The following REXO5 variants were observed in gnomAD, a reference collection of about 807,000 sequenced individuals.
REXO5 encodes exonuclease NEF-sp.
Under a neutral mutation model 88.5 loss-of-function variants are expected in REXO5, and 48 were observed. The ratio of observed to expected loss-of-function variants is 0.54; its 90% CI spans 0.43 to 0.69. The LOEUF is 0.69. Among genes scored for constraint, REXO5 ranks in the 30% least tolerant of loss-of-function variants. The pLI, the probability that REXO5 is intolerant of heterozygous loss-of-function variation, is 0.00. For missense variants in REXO5, 749 were observed against 912.2 expected (o/e 0.82, Z 2.30); for synonymous variants, 311 against 336.5 (o/e 0.92, Z 0.83).
intron 13 of REXO5, among the ~76,000 whole-genome samples, chr16:20,835,456 G>A (rs1477062558): frequency 1.3e-5 from 2 of 152,094 alleles, no homozygotes; most frequent in South Asian, 2.1e-4. Flanking sequence ...TAGCCCTTGC[G>A]ATTGTTTCCT....
At chr16:20,825,691 T>C in intron 7 of REXO5, 142 bp from the exon 8 acceptor site, 1 of 615,606 alleles carries the variant, frequency 1.6e-6, no homozygotes, top group Non-Finnish European at 2.9e-6. Flanking sequence ...TCACTCACAC[T>C]AGATCCTCTA....
At chr16:20,826,080 A>T in intron 8 of REXO5, 132 bp downstream of exon 8, 1 of 618,838 alleles carries the variant, frequency 1.6e-6, no homozygotes, top group Non-Finnish European at 2.9e-6. Context: ...AGGGCATCAC[A>T]TAGGTATATT....
At chr16:20,832,403 C>A (rs368252183) in intron 12 of REXO5, 144 bp downstream of exon 12, 1 of 492,404 alleles carries the variant, frequency 2.0e-6, no homozygotes, top group Non-Finnish European at 3.6e-6. Flanking sequence ...ACAAAAACCA[C>A]GGAAAAAATA....
In REXO5 at chr16:20,806,679, A is replaced by G. The variant is rs1297976114; in HGVS notation, c.-29A>G. ...TCTTTGCCAGGCAGACGCCCGTTGT[A>G]GCCGTTGGGGAACCGTTGAGAATCC... is the stretch of plus-strand genomic sequence containing the variant. On this transcript the variant is annotated 5_prime_UTR_variant, in exon 1 of 20. Coordinates refer to ENST00000261377, the MANE Select transcript of REXO5 (RefSeq NM_030941.3). 5.6e-6 allele frequency: 6 copies of G among 1,075,794 alleles called. No individual in the cohort carries two copies. In the East Asian group the frequency reaches 1.6e-4, roughly 29 times the overall value. 66.6% of individuals were successfully genotyped at this position (1,075,794 alleles called of 1,614,324 possible). A position where few individuals can be genotyped will look rare whatever the true frequency, so the allele number is the denominator to read the frequency against.
intron 7 of REXO5, 53 bp from the exon 8 acceptor site, chr16:20,825,780 A>C: frequency 7.9e-7 from 1 of 1,270,956 alleles, no homozygotes; most frequent in South Asian, 1.3e-5. Context: ...AAATAGTAAG[A>C]AGAAGCAATA....
chr16:20,811,573 T>TA lies in REXO5; in HGVS notation c.139-1613dup, dbSNP rs547397296. Among the ~76,000 whole-genome samples the TA allele has an allele frequency of 2.7e-3, 406 of 152,318 alleles. 3 individuals are homozygous for TA. The highest frequency in any genetic ancestry group is 9.3e-3 in the African/African-American group (386 of 41,590). The stretch of plus-strand genomic sequence containing the variant: ...GTTGGTTTCAAAAAAGAATGATTGA[T>TA]AAAATCCACTGCGGGCTGTATAGTA... On this transcript the variant is annotated intron_variant, in intron 2 of 19. Transcript: ENST00000261377.
chr16:20,842,982 T>TA (rs1297191441), intron 15 of REXO5, among the ~76,000 whole-genome samples: 1 of 152,216 alleles, frequency 6.6e-6, no homozygotes, highest in African/African-American at 2.4e-5. Context: ...GGTTCCAACT[T>TA]ATCTACATCT....
At position 20,807,109 on chromosome 16, in the gene REXO5, C is replaced by T. The variant is rs765281824; in HGVS notation, c.138+18C>T. 4.4e-6 allele frequency: 7 copies of T among 1,593,388 alleles called. No homozygotes were observed. The highest frequency in any genetic ancestry group is 6.0e-6 in the Non-Finnish European group (7 of 1,171,116). On this transcript the variant is annotated intron_variant, in intron 2 of 19. Coordinates refer to ENST00000261377, the MANE Select transcript of REXO5 (RefSeq NM_030941.3). ...AGGCCAAGGTGAGCAACGGGGATCC[C>T]GAGCAGGCGGCCCTAGGCGGTTTGG...
chr16:20,837,784 T>A (rs1283178135), intron 13 of REXO5, among the ~76,000 whole-genome samples: 2 of 152,164 alleles, frequency 1.3e-5, no homozygotes, highest in Non-Finnish European at 2.9e-5. Flanking sequence ...TTTTTGTTTT[T>A]GAGACAGGGT....
chr16:20,825,002 G>C (rs1299552396), intron 7 of REXO5, among the ~76,000 whole-genome samples: 2 of 150,854 alleles, frequency 1.3e-5, no homozygotes, highest in African/African-American at 4.9e-5. Flanking sequence ...AGTGAGACTC[G>C]ATCTCAAAAA....
chr16:20,846,126 C>G, intron 18 of REXO5, 95 bp from the exon 19 acceptor site: 2 of 962,340 alleles, frequency 2.1e-6, no homozygotes, highest in East Asian at 2.4e-5. Flanking sequence ...TACTGGAATC[C>G]CATAGCCTTA....
intron 19 of REXO5, among the ~76,000 whole-genome samples, chr16:20,847,268 A>C (rs958506607): frequency 2.3e-5 from 2 of 87,946 alleles, no homozygotes; most frequent in African/African-American, 6.6e-5. Context: ...ACACAAAAAA[A>C]AAAACAAAAA....
chr16:20,823,029 G>T (rs2081208491), intron 6 of REXO5, among the ~76,000 whole-genome samples: 1 of 152,160 alleles, frequency 6.6e-6, no homozygotes, highest in Non-Finnish European at 1.5e-5. Context: ...TCCAGTTCCT[G>T]CACATTCTTG....
chr16:20,806,504 GC>G, upstream of REXO5: 1 of 1,544,596 alleles, frequency 6.5e-7, no homozygotes, highest in Non-Finnish European at 8.7e-7. Context: ...CGTTCAAAAA[GC>G]CCGCGAGGCT....
intron 13 of REXO5, among the ~76,000 whole-genome samples, chr16:20,837,690 GC>G (rs1258684651): frequency 6.6e-6 from 1 of 151,814 alleles, no homozygotes. Context: ...GTATCCTTTA[GC>G]CCCATGGTTG....
chr16:20,831,245 G>C (rs1171934316), intron 11 of REXO5, among the ~76,000 whole-genome samples: 1 of 152,066 alleles, frequency 6.6e-6, no homozygotes, highest in Non-Finnish European at 1.5e-5. Context: ...TAGAAAACAA[G>C]TGGCTTTTCA....
chr16:20,820,203 T>C (rs572318957), intron 5 of REXO5, among the ~76,000 whole-genome samples: 1 of 152,270 alleles, frequency 6.6e-6, no homozygotes, highest in South Asian at 2.1e-4. Flanking sequence ...CAACTTTGTT[T>C]CCTATGCTCA....
chr16:20,839,637 T>C lies in REXO5; in HGVS notation c.1384-118T>C, dbSNP rs1473069546. 3 of 564,098 alleles carry C rather than the reference T, an allele frequency of 5.3e-6. No individual in the cohort carries two copies. In the East Asian group the frequency reaches 8.5e-5, roughly 16 times the overall value. 34.9% of individuals were successfully genotyped at this position (564,098 alleles called of 1,614,324 possible). A position where few individuals can be genotyped will look rare whatever the true frequency, so the allele number is the denominator to read the frequency against. ...CCTGCAGACCTGGAAGTCAGCCCCATATTACCTTTCAGTATGCGTAAAAAG... is the reference window on the plus strand; with the variant it reads ...CCTGCAGACCTGGAAGTCAGCCCCACATTACCTTTCAGTATGCGTAAAAAG... On this transcript the variant is annotated intron_variant, in intron 13 of 19. Coordinates refer to ENST00000261377, the MANE Select transcript of REXO5 (RefSeq NM_030941.3).
intron 12 of REXO5, among the ~76,000 whole-genome samples, chr16:20,832,700 CTT>C (rs1391137384): frequency 6.6e-6 from 1 of 152,044 alleles, no homozygotes; most frequent in Non-Finnish European, 1.5e-5. Context: ...TTTGCCTAAT[CTT>C]TTGATAGAGA....
Sources: allele counts gnomAD v4.1 joint callset (sites outside exome capture counted in the v4.1 genomes callset), GRCh38; gene constraint gnomAD v4.1.1; transcripts MANE v1.5; gene names NCBI Gene and HGNC (gene_info 2026-07-23, HGNC 2026-07-21).